Variants in PANX1 observed in about 807,000 individuals in gnomAD.
PANX1 encodes pannexin 1.
A neutral mutation model predicts 38.7 loss-of-function variants in PANX1; 30 were observed. The ratio of observed to expected loss-of-function variants is 0.78; its 90% CI spans 0.58 to 1.05. The LOEUF (loss-of-function observed/expected upper bound fraction) is 1.05, where lower values mean the gene tolerates loss of function less well. Among genes scored for constraint, PANX1 ranks in the 50% least tolerant of loss-of-function variants. The pLI, the probability that PANX1 is intolerant of heterozygous loss-of-function variation, is 0.00. For synonymous variants in PANX1, 230 were observed against 212.2 expected (o/e 1.08, Z -0.73); for missense variants, 551 against 517.2 (o/e 1.07, Z -0.63).
rs1046979287 is a variant in PANX1 at position 94,162,693 on chromosome 11, C to T, written c.321+9063C>T. On this transcript the variant is annotated intron_variant, in intron 2 of 4. Transcript: ENST00000227638. Reference sequence around the variant, plus strand: ...GGTGAGGTGATGCCTCGCCCTGCTTCGGCTCACGCTGGGTGCGCGGCACCC... The same window carrying T: ...GGTGAGGTGATGCCTCGCCCTGCTTTGGCTCACGCTGGGTGCGCGGCACCC... Among the ~76,000 whole-genome samples the T allele has an allele frequency of 1.1e-4, 17 of 152,122 alleles. 1 individual carries two copies. Among genetic ancestry groups the T allele is most frequent in the Admixed American group, 9.2e-4 (14 of 15,280 alleles).
intron 2 of PANX1, among the ~76,000 whole-genome samples, chr11:94,172,362 G>T (rs1248641477): frequency 6.6e-6 from 1 of 151,654 alleles, no homozygotes; most frequent in African/African-American, 2.4e-5. Flanking sequence ...TGAACTTTAG[G>T]CTCTGATTCA....
At chr11:94,180,693 T>G in intron 4 of PANX1, 97 bp from the exon 5 acceptor site, 1 of 712,222 alleles carries the variant, frequency 1.4e-6, no homozygotes, top group East Asian at 2.6e-5. Context: ...AAACATGGTA[T>G]AGACTGTGAG....
intron 2 of PANX1, among the ~76,000 whole-genome samples, chr11:94,165,578 G>A (rs1404856688): frequency 6.6e-6 from 1 of 152,164 alleles, no homozygotes; most frequent in African/African-American, 2.4e-5. Flanking sequence ...GGCTGCACAT[G>A]AGGCTGTGAT....
chr11:94,164,932 A>G (rs922801151), intron 2 of PANX1, among the ~76,000 whole-genome samples: 1 of 151,944 alleles, frequency 6.6e-6, no homozygotes, highest in Non-Finnish European at 1.5e-5. Context: ...ATAATGACTT[A>G]CTTTTTATCT....
intron 1 of PANX1, among the ~76,000 whole-genome samples, chr11:94,137,149 C>A (rs535069049): frequency 6.6e-6 from 1 of 151,992 alleles, no homozygotes; most frequent in African/African-American, 2.4e-5. Context: ...ACTTAAAATA[C>A]AAAAATTAGC....
chr11:94,160,649 A>G (rs1162734776), intron 2 of PANX1, among the ~76,000 whole-genome samples: 2 of 152,208 alleles, frequency 1.3e-5, no homozygotes, highest in Non-Finnish European at 2.9e-5. Flanking sequence ...TCCTGAATAC[A>G]GCACACTGAT....
chr11:94,153,866 G>T (rs1377035648), intron 2 of PANX1, among the ~76,000 whole-genome samples: 2 of 152,218 alleles, frequency 1.3e-5, no homozygotes, highest in Non-Finnish European at 2.9e-5. Flanking sequence ...CTCTATAACA[G>T]CAGGCACCTT....
At chr11:94,135,640 C>T (rs1199799147) in intron 1 of PANX1, among the ~76,000 whole-genome samples, 3 of 152,168 alleles carry the variant, frequency 2.0e-5, no homozygotes, top group Non-Finnish European at 4.4e-5. Flanking sequence ...CAGAAGGATG[C>T]ATGCTGTCCA....
At position 94,129,230 on chromosome 11, in the gene PANX1, C is replaced by G; in HGVS notation, c.-83C>G. The G allele has an allele frequency of 4.0e-6, 5 of 1,239,626 alleles. No homozygotes were observed. Among genetic ancestry groups the G allele is most frequent in the African/African-American group, 1.5e-5 (1 of 65,498 alleles). The allele number at this position is 1,239,626 out of a possible 1,614,324, so 76.8% of individuals were successfully genotyped here. A position where few individuals can be genotyped will look rare whatever the true frequency, so the allele number is the denominator to read the frequency against. The stretch of plus-strand genomic sequence containing the variant: ...GGAAAGCGAAAGCCGCGCGCCCGGC[C>G]GGTGACTGGGTGAAGGCGCCGCGCA... On this transcript the variant is annotated 5_prime_UTR_variant, in exon 1 of 5. Transcript: ENST00000227638.
intron 2 of PANX1, among the ~76,000 whole-genome samples, chr11:94,168,987 A>G (rs1244489393): frequency 6.6e-6 from 1 of 151,690 alleles, no homozygotes; most frequent in African/African-American, 2.4e-5. Context: ...AAGCCTGGTG[A>G]AGAAGCAGAT....
intron 1 of PANX1, among the ~76,000 whole-genome samples, chr11:94,147,003 G>A (rs1226541450): frequency 6.6e-6 from 1 of 152,138 alleles, no homozygotes. Flanking sequence ...ACTCCCAAGC[G>A]GTTCAGAAAA....
At chr11:94,179,462 A>G (rs72972547) in intron 3 of PANX1, 140 bp from the exon 4 acceptor site, 14,651 of 607,034 alleles carry the variant, frequency 0.024, 255 homozygotes, top group African/African-American at 0.034. Context: ...AACGGATTTT[A>G]TTTTTGACTA....
chr11:94,173,164 G>A (rs1205619962), intron 2 of PANX1, among the ~76,000 whole-genome samples: 2 of 151,724 alleles, frequency 1.3e-5, no homozygotes, highest in African/African-American at 4.9e-5. Flanking sequence ...CTTCCCCAGT[G>A]CAGGATGTTC....
rs1047119915 is a variant in PANX1 at position 94,129,288 on chromosome 11, T to G, written c.-25T>G. ...CGACGCCGGCTGTACCCGGACCTCCTGGTCGAGCCTGGCGCGCCGCAGCCA... is the reference window on the plus strand; with the variant it reads ...CGACGCCGGCTGTACCCGGACCTCCGGGTCGAGCCTGGCGCGCCGCAGCCA... On this transcript the variant is annotated 5_prime_UTR_variant, in exon 1 of 5. Coordinates refer to ENST00000227638, the MANE Select transcript of PANX1 (RefSeq NM_015368.4). 1 of 1,587,522 alleles carries G rather than the reference T, an allele frequency of 6.3e-7. No homozygotes were observed. Among genetic ancestry groups the G allele is most frequent in the South Asian group, 1.1e-5 (1 of 89,406 alleles).
chr11:94,177,462 A>G (rs1947247116), intron 2 of PANX1, among the ~76,000 whole-genome samples: 1 of 152,056 alleles, frequency 6.6e-6, no homozygotes, highest in South Asian at 2.1e-4. Context: ...TTTTTTTGTC[A>G]TTGCAGATCA....
At chr11:94,158,903 A>G (rs1375844563) in intron 2 of PANX1, among the ~76,000 whole-genome samples, 1 of 152,148 alleles carries the variant, frequency 6.6e-6, no homozygotes, top group Non-Finnish European at 1.5e-5. Context: ...GATAGCTCTT[A>G]TTATTTTGAG....
At chr11:94,165,807 G>C (rs1256696377) in intron 2 of PANX1, among the ~76,000 whole-genome samples, 2 of 152,198 alleles carry the variant, frequency 1.3e-5, no homozygotes, top group African/African-American at 4.8e-5. Context: ...CTACTCGGGA[G>C]GCTGAGGCAG....
intron 2 of PANX1, among the ~76,000 whole-genome samples, chr11:94,175,357 T>A (rs1947221051): frequency 6.6e-6 from 1 of 151,702 alleles, no homozygotes; most frequent in Non-Finnish European, 1.5e-5. Context: ...CAAGGCTATT[T>A]TAGGGAAATT....
chr11:94,169,432 T>G (rs1343644618), intron 2 of PANX1, among the ~76,000 whole-genome samples: 1 of 151,558 alleles, frequency 6.6e-6, no homozygotes, highest in African/African-American at 2.4e-5. Context: ...TACATTTGGG[T>G]GGTATCATGG....
Sources: allele counts gnomAD v4.1 joint callset (sites outside exome capture counted in the v4.1 genomes callset), GRCh38; gene constraint gnomAD v4.1.1; transcripts MANE v1.5; gene names NCBI Gene and HGNC (gene_info 2026-07-23, HGNC 2026-07-21).